GRM7: variants seen among roughly 807,000 people sequenced by gnomAD.
GRM7 encodes the protein metabotropic glutamate receptor 7.
Under a neutral mutation model 84.5 loss-of-function variants are expected in GRM7, and 35 were observed. That is an observed-to-expected ratio of 0.41 (90% CI 0.32 to 0.55). GRM7 has a LOEUF of 0.55. Among genes scored for constraint, GRM7 ranks in the 20% least tolerant of loss-of-function variants. The pLI is 0.19. For missense variants in GRM7, 1,003 were observed against 1,194.6 expected (o/e 0.84, Z 2.36); for synonymous variants, 487 against 455.1 (o/e 1.07, Z -0.89).
At chr3:7,637,933 A>G (rs1169613393) in intron 8 of GRM7, among the ~76,000 whole-genome samples, 3 of 152,222 alleles carry the variant, frequency 2.0e-5, no homozygotes, top group African/African-American at 7.2e-5. Flanking sequence ...CAGCAGACTC[A>G]GTAAGCTGTG....
At chr3:7,517,724 G>A (rs1195977769) in intron 7 of GRM7, among the ~76,000 whole-genome samples, 1 of 152,118 alleles carries the variant, frequency 6.6e-6, no homozygotes, top group Non-Finnish European at 1.5e-5. Context: ...GCTGCTGATT[G>A]CCTTTTAGGT....
At chr3:7,217,956 C>A (rs1343473548) in intron 2 of GRM7, among the ~76,000 whole-genome samples, 2 of 151,834 alleles carry the variant, frequency 1.3e-5, no homozygotes, top group Admixed American at 6.6e-5. Flanking sequence ...ATGTTGATTT[C>A]TCTTAATATT....
chr3:6,997,218 G>A (rs1307785802), intron 1 of GRM7, among the ~76,000 whole-genome samples: 1 of 151,644 alleles, frequency 6.6e-6, no homozygotes, highest in African/African-American at 2.4e-5. Flanking sequence ...TCTTGGTCAG[G>A]TGCCATTACA....
At chr3:7,430,901 T>C (rs1696801778) in intron 5 of GRM7, among the ~76,000 whole-genome samples, 1 of 152,194 alleles carries the variant, frequency 6.6e-6, no homozygotes, top group Non-Finnish European at 1.5e-5. Flanking sequence ...TAAAGTCCTT[T>C]ATAAAAGATT....
rs544020691 is a variant in GRM7, at chr3:7,597,232, G to C, written c.2451+17875G>C. On this transcript the variant is annotated intron_variant, in intron 8 of 9. Transcript: ENST00000357716. ...GGCAGGAGGAGGAGCAAAAGAGAGA[G>C]TGGGGGGAGGTGCCATGCACTTTTA... Among the ~76,000 whole-genome samples the C allele has an allele frequency of 2.6e-5, 4 of 152,122 alleles. No individual in the cohort carries two copies. The South Asian group carries it at 6.2e-4, about 24-fold the overall frequency.
At position 6,863,747 on chromosome 3, in the gene GRM7, TAC is replaced by T. The variant is rs1445998961; in HGVS notation, c.519+1842_519+1843del. On this transcript the variant is annotated intron_variant, in intron 1 of 9. Transcript: ENST00000357716. This position sits in a 1 kb window ranked among gnomAD's most constrained non-coding sequence, Gnocchi z 4.8. ...AGAACCACTGGGGGCTGGGGTAGGTTACAGTGTTTTCCCTGTTAGCCTGTGGG... is the reference window on the plus strand; with the variant it reads ...AGAACCACTGGGGGCTGGGGTAGGTTAGTGTTTTCCCTGTTAGCCTGTGGG... Among the ~76,000 whole-genome samples, 2 of 152,172 alleles carry T rather than the reference TAC, an allele frequency of 1.3e-5. No individual in the cohort carries two copies. The highest frequency in any genetic ancestry group is 1.9e-4 in the East Asian group (1 of 5,182).
chr3:7,382,125 TA>T (rs956343459), intron 4 of GRM7, among the ~76,000 whole-genome samples: 5 of 152,206 alleles, frequency 3.3e-5, no homozygotes, highest in African/African-American at 7.2e-5. Flanking sequence ...TCTCTGTCTC[TA>T]AAAAAAATTC....
chr3:7,117,000 G>T lies in GRM7; in HGVS notation c.520-29452G>T, dbSNP rs184037644. Reference sequence around the variant, plus strand: ...ATTTTGACTCAGGCAATTTGATTTTGTGCTTTAAAGGTGAAAGTGTATGAA... The same window carrying T: ...ATTTTGACTCAGGCAATTTGATTTTTTGCTTTAAAGGTGAAAGTGTATGAA... On this transcript the variant is annotated intron_variant, in intron 1 of 9. Coordinates refer to ENST00000357716, the MANE Select transcript of GRM7 (RefSeq NM_000844.4). Among the ~76,000 whole-genome samples the T allele has an allele frequency of 1.1e-3, 168 of 152,268 alleles. 1 individual carries two copies. In the East Asian group the frequency reaches 0.023, roughly 21 times the overall value.
chr3:6,983,730 G>T (rs1404123989), intron 1 of GRM7, among the ~76,000 whole-genome samples: 1 of 151,550 alleles, frequency 6.6e-6, no homozygotes, highest in Non-Finnish European at 1.5e-5. Context: ...CCTGGCTTTT[G>T]TAATAATATT....
intron 7 of GRM7, among the ~76,000 whole-genome samples, chr3:7,554,283 G>C (rs551958128): frequency 8.3e-4 from 126 of 152,246 alleles, no homozygotes; most frequent in African/African-American, 2.9e-3. Context: ...CATCACACTG[G>C]GGAGGAAACT....
At chr3:7,222,999 A>G (rs975178058) in intron 2 of GRM7, among the ~76,000 whole-genome samples, 9 of 152,104 alleles carry the variant, frequency 5.9e-5, no homozygotes, top group Admixed American at 2.0e-4. Flanking sequence ...ATTTTGATTC[A>G]TGTTACTAAA....
chr3:7,267,323 G>A (rs1178308472), intron 2 of GRM7, among the ~76,000 whole-genome samples: 2 of 152,178 alleles, frequency 1.3e-5, no homozygotes, highest in Admixed American at 1.3e-4. Flanking sequence ...TAACAAAAAG[G>A]CTAATAAGAA....
chr3:7,063,979 G>A (rs1697528035), intron 1 of GRM7, among the ~76,000 whole-genome samples: 1 of 148,072 alleles, frequency 6.8e-6, no homozygotes, highest in Non-Finnish European at 1.5e-5. Context: ...TGGGTATGCA[G>A]CGTGGGATCT....
intron 2 of GRM7, among the ~76,000 whole-genome samples, chr3:7,185,817 G>A (rs1321548954): frequency 1.3e-5 from 2 of 152,174 alleles, no homozygotes; most frequent in Non-Finnish European, 2.9e-5. Flanking sequence ...CTGATGCTTT[G>A]CATAGCTAAT....
At chr3:7,098,628 TA>T (rs1244010530) in intron 1 of GRM7, among the ~76,000 whole-genome samples, 16 of 152,014 alleles carry the variant, frequency 1.1e-4, no homozygotes, top group African/African-American at 3.6e-4. Flanking sequence ...TTGTCCTTAA[TA>T]TTTTATTTTA....
intron 2 of GRM7, among the ~76,000 whole-genome samples, chr3:7,199,312 G>A (rs1432073877): frequency 1.3e-5 from 2 of 152,208 alleles, no homozygotes; most frequent in African/African-American, 4.8e-5. Flanking sequence ...CCAGATATAT[G>A]AGTGAGGCCT....
chr3:7,616,845 A>C (rs1697103889), intron 8 of GRM7, among the ~76,000 whole-genome samples: 1 of 152,164 alleles, frequency 6.6e-6, no homozygotes, highest in African/African-American at 2.4e-5. Flanking sequence ...GAAAATTTTT[A>C]ATTAAGTGAA....
rs1449026462 is a variant in GRM7 at position 7,569,056 on chromosome 3, T to G, written c.1516-9366T>G. On this transcript the variant is annotated intron_variant, in intron 7 of 9. Coordinates refer to ENST00000357716, the MANE Select transcript of GRM7 (RefSeq NM_000844.4). Reference sequence around the variant, plus strand: ...CACTGGATGAAGCCAGCTGGGCTCCTGACCCTGGTGGGGACTTACTTGGAG... The same window carrying G: ...CACTGGATGAAGCCAGCTGGGCTCCGGACCCTGGTGGGGACTTACTTGGAG... Among the ~76,000 whole-genome samples, 16 of 152,224 alleles carry G rather than the reference T, an allele frequency of 1.1e-4. 1 individual carries two copies. Among genetic ancestry groups the G allele is most frequent in the Admixed American group, 1.0e-3 (16 of 15,286 alleles).
chr3:7,317,992 A>G (rs545272194), intron 4 of GRM7, among the ~76,000 whole-genome samples: 25 of 152,228 alleles, frequency 1.6e-4, no homozygotes, highest in African/African-American at 6.0e-4. Flanking sequence ...AAGAAGAACA[A>G]GAAAGGGAGC....
Sources: allele counts gnomAD v4.1 joint callset (sites outside exome capture counted in the v4.1 genomes callset), GRCh38; gene constraint gnomAD v4.1.1; non-coding constraint Gnocchi (gnomAD v3.1); transcripts MANE v1.5; gene names NCBI Gene and HGNC (gene_info 2026-07-23, HGNC 2026-07-21).